Variants in CNTNAP4 observed in about 807,000 individuals in gnomAD.
CNTNAP4 encodes the protein contactin associated protein family member 4, also known as contactin-associated protein-like 4.
In CNTNAP4, 98 loss-of-function variants were observed where a neutral mutation model predicts 148.4. The ratio of observed to expected loss-of-function variants is 0.66; its 90% CI spans 0.56 to 0.78. CNTNAP4 has a LOEUF of 0.78. Among genes scored for constraint, CNTNAP4 ranks in the 30% least tolerant of loss-of-function variants. The pLI is 0.00. For synonymous variants in CNTNAP4, 730 were observed against 565.1 expected, an observed-to-expected ratio of 1.29 and a Z score of -4.14; for missense variants, 1,935 against 1,565.6, an observed-to-expected ratio of 1.24 and a Z score of -3.98.
chr16:76,470,869 C>G (rs140055646), intron 10 of CNTNAP4, among the ~76,000 whole-genome samples: 1 of 152,186 alleles, frequency 6.6e-6, no homozygotes, highest in Non-Finnish European at 1.5e-5. Flanking sequence ...CCAATGTGGC[C>G]TTTGCACACT....
intron 1 of CNTNAP4, among the ~76,000 whole-genome samples, chr16:76,303,687 A>G (rs1480091865): frequency 6.6e-6 from 1 of 152,178 alleles, no homozygotes; most frequent in East Asian, 1.9e-4. Flanking sequence ...TGATTTCTGC[A>G]TCATGTGCAG....
At chr16:76,400,326 A>G (rs1568008649) in intron 3 of CNTNAP4, among the ~76,000 whole-genome samples, 4 of 152,172 alleles carry the variant, frequency 2.6e-5, no homozygotes, top group Admixed American at 1.3e-4. Flanking sequence ...TTTAAAATCC[A>G]CTCATTTAGC....
chr16:76,555,404 G>A (rs139252964), intron 23 of CNTNAP4, among the ~76,000 whole-genome samples: 91 of 152,242 alleles, frequency 6.0e-4, no homozygotes, highest in African/African-American at 2.1e-3. Flanking sequence ...GTTAATAATT[G>A]TATGTCTAAA....
At chr16:76,416,173 A>C (rs1297297631) in intron 3 of CNTNAP4, among the ~76,000 whole-genome samples, 5 of 151,234 alleles carry the variant, frequency 3.3e-5, no homozygotes, top group Non-Finnish European at 7.4e-5. Flanking sequence ...TAGATAGCAA[A>C]CTAGAGGTTT....
intron 1 of CNTNAP4, among the ~76,000 whole-genome samples, chr16:76,292,849 T>G (rs1284764682): frequency 6.6e-6 from 1 of 152,192 alleles, no homozygotes; most frequent in Non-Finnish European, 1.5e-5. Flanking sequence ...CACTTCAGAT[T>G]TAGAATTTTG....
chr16:76,459,262 C>T (rs1489773679), intron 8 of CNTNAP4, among the ~76,000 whole-genome samples: 1 of 152,158 alleles, frequency 6.6e-6, no homozygotes, highest in Non-Finnish European at 1.5e-5. Context: ...AAATCTAGGA[C>T]ATCTGATTTA....
chr16:76,460,532 C>T (rs1414103747), intron 8 of CNTNAP4, among the ~76,000 whole-genome samples: 11 of 147,358 alleles, frequency 7.5e-5, no homozygotes, highest in African/African-American at 2.2e-4. Context: ...GAAGCCGAGG[C>T]GGGTGGATCA....
rs776240409 is a variant in CNTNAP4 at position 76,475,998 on chromosome 16, A to G, written c.1715A>G (p.His572Arg). 1 of 1,613,890 alleles carries G rather than the reference A, an allele frequency of 6.2e-7. No homozygotes were observed. The highest frequency in any genetic ancestry group is 8.5e-7 in the Non-Finnish European group (1 of 1,179,812). ...GECSQSWSTFHCNCTNTGYRG... is the reference protein window; with the variant it reads ...GECSQSWSTFRCNCTNTGYRG... The stretch of plus-strand genomic sequence containing the variant: ...TGTTCCCAGTCCTGGAGCACCTTTC[A>G]TTGTAACTGTACCAACACTGGTTAC... Residue 572 changes from histidine (H) to arginine (R), a missense_variant, in exon 11 of 24, where the codon CAT becomes CGT. By Grantham distance (29) the His-to-Arg change is conservative (BLOSUM62 0). Coordinates refer to ENST00000611870, the MANE Select transcript of CNTNAP4 (RefSeq NM_033401.5).
At chr16:76,421,856 C>A (rs946920427) in intron 3 of CNTNAP4, among the ~76,000 whole-genome samples, 1 of 152,232 alleles carries the variant, frequency 6.6e-6, no homozygotes, top group African/African-American at 2.4e-5. Flanking sequence ...TTGGATGGAG[C>A]TGGACTGATT....
intron 2 of CNTNAP4, among the ~76,000 whole-genome samples, chr16:76,348,181 C>T (rs1401925595): frequency 6.7e-6 from 1 of 148,686 alleles, no homozygotes; most frequent in Non-Finnish European, 1.5e-5. Context: ...AGGGGTCAAG[C>T]GTGACTCTTT....
intron 3 of CNTNAP4, among the ~76,000 whole-genome samples, chr16:76,380,266 A>G (rs2015833311): frequency 6.6e-6 from 1 of 152,206 alleles, no homozygotes; most frequent in Admixed American, 6.5e-5. Flanking sequence ...AGAAGGTGAC[A>G]GACATCTGTG....
chr16:76,309,741 TG>T (rs1368164857), intron 1 of CNTNAP4: 1 of 641,140 alleles, frequency 1.6e-6, no homozygotes, highest in Non-Finnish European at 2.8e-6. Flanking sequence ...GTAATTGAAT[TG>T]GGGTTTGGGC....
chr16:76,432,120 T>G (rs527929200), intron 4 of CNTNAP4, among the ~76,000 whole-genome samples: 81 of 152,310 alleles, frequency 5.3e-4, no homozygotes, highest in African/African-American at 1.8e-3. Flanking sequence ...AAAATGGGAA[T>G]GCATTTCCGT....
chr16:76,378,532 A>C (rs965139347), intron 3 of CNTNAP4, among the ~76,000 whole-genome samples: 1 of 152,192 alleles, frequency 6.6e-6, no homozygotes, highest in Admixed American at 6.5e-5. Context: ...AGGTCTGTCC[A>C]TATCACAGGT....
At chr16:76,533,565 C>T (rs1470374023) in intron 17 of CNTNAP4, among the ~76,000 whole-genome samples, 7 of 151,964 alleles carry the variant, frequency 4.6e-5, no homozygotes, top group African/African-American at 1.5e-4. Context: ...TCATGTATAT[C>T]ACAACATTAT....
chr16:76,481,236 C>G (rs2081816020), intron 12 of CNTNAP4, among the ~76,000 whole-genome samples: 1 of 152,194 alleles, frequency 6.6e-6, no homozygotes, highest in African/African-American at 2.4e-5. Context: ...AACACACACA[C>G]ACAAAATAGA....
intron 3 of CNTNAP4, among the ~76,000 whole-genome samples, chr16:76,367,221 T>C (rs12930160): frequency 0.45 from 67,704 of 151,578 alleles, 15,426 homozygotes; most frequent in Admixed American, 0.53. Context: ...AATATGGAAA[T>C]CATAGCCTTC....
Position 76,558,552 on chromosome 16 carries a change from C to T in CNTNAP4, c.3796C>T (p.Gln1266Ter). 6.2e-7 allele frequency: 1 copy of T among 1,611,596 alleles called. No homozygotes were observed. The highest frequency in any genetic ancestry group is 8.5e-7 in the Non-Finnish European group (1 of 1,177,914). Residue 1266 changes from glutamine (Q) to a stop codon, truncating the protein, a stop_gained, in exon 24 of 24, where the codon CAG (glutamine) becomes TAG (stop). Coordinates refer to ENST00000611870, the MANE Select transcript of CNTNAP4 (RefSeq NM_033401.5). LOFTEE classifies it high-confidence loss of function. ...CITAIAVRIY[Q>*]QKRLYKRSEA... Reference sequence around the variant, plus strand: ...CACTGCCATAGCTGTTCGCATTTATCAGCAGAAAAGGTTATATAAAAGAAG... The same window carrying T: ...CACTGCCATAGCTGTTCGCATTTATTAGCAGAAAAGGTTATATAAAAGAAG...
chr16:76,378,931 C>A (rs1199984775), intron 3 of CNTNAP4, among the ~76,000 whole-genome samples: 2 of 152,178 alleles, frequency 1.3e-5, no homozygotes, highest in African/African-American at 4.8e-5. Flanking sequence ...AGAGAGAGGG[C>A]TTCAGTTCTA....
Sources: allele counts gnomAD v4.1 joint callset (sites outside exome capture counted in the v4.1 genomes callset), GRCh38; gene constraint gnomAD v4.1.1; transcripts MANE v1.5; gene names NCBI Gene and HGNC (gene_info 2026-07-23, HGNC 2026-07-21).